Variants in BCKDHB observed in about 807,000 individuals in gnomAD.
BCKDHB encodes 2-oxoisovalerate dehydrogenase subunit beta, mitochondrial.
In BCKDHB, 41 loss-of-function variants were observed where a neutral mutation model predicts 48.5. The observed-to-expected ratio is 0.85, with a 90% CI of 0.66 to 1.10. BCKDHB has a LOEUF of 1.10. BCKDHB is among the 50% of genes least tolerant of loss of function. The pLI is 0.00. For missense variants in BCKDHB, 496 were observed against 494.2 expected (o/e 1.00, Z -0.03); for synonymous variants, 201 against 174.8 (o/e 1.15, Z -1.18).
At chr6:80,246,747 T>C (rs1450166160) in intron 8 of BCKDHB, among the ~76,000 whole-genome samples, 1 of 152,160 alleles carries the variant, frequency 6.6e-6, no homozygotes, top group African/African-American at 2.4e-5. Flanking sequence ...CTAATGTTTG[T>C]GGAGACACCC....
chr6:80,201,106 A>G, intron 7 of BCKDHB, 75 bp downstream of exon 7: 1 of 1,235,122 alleles, frequency 8.1e-7, no homozygotes, highest in Non-Finnish European at 1.2e-6. Flanking sequence ...TGATACATGA[A>G]AAATTGAAAA....
rs531559301 is a variant in BCKDHB at position 80,343,000 on chromosome 6, C to G, written c.1039-664C>G. Among the ~76,000 whole-genome samples, 50 of 152,244 alleles carry G rather than the reference C, an allele frequency of 3.3e-4. 1 individual carries two copies. Among genetic ancestry groups the G allele is most frequent in the African/African-American group, 1.1e-3 (46 of 41,538 alleles). On this transcript the variant is annotated intron_variant, in intron 9 of 9. Coordinates refer to ENST00000320393, the MANE Select transcript of BCKDHB (RefSeq NM_183050.4). ...GCTTTGGGAGCTCAGAGCACAAGCCCCTTCCTCATCTGCCCTGTAGGGCTG... is the reference window on the plus strand; with the variant it reads ...GCTTTGGGAGCTCAGAGCACAAGCCGCTTCCTCATCTGCCCTGTAGGGCTG...
intron 9 of BCKDHB, among the ~76,000 whole-genome samples, chr6:80,291,421 G>A (rs931464206): frequency 6.6e-6 from 1 of 152,154 alleles, no homozygotes; most frequent in African/African-American, 2.4e-5. Context: ...ATATTAATAA[G>A]TATTTAAGAA....
At chr6:80,201,089 T>C in intron 7 of BCKDHB, 58 bp downstream of exon 7, 1 of 1,340,830 alleles carries the variant, frequency 7.5e-7, no homozygotes, top group Non-Finnish European at 1.1e-6. Context: ...GCTCTCATTT[T>C]AAATCCTGAT....
chr6:80,134,359 T>G (rs1770780224), intron 3 of BCKDHB, among the ~76,000 whole-genome samples: 1 of 152,178 alleles, frequency 6.6e-6, no homozygotes, highest in Non-Finnish European at 1.5e-5. Flanking sequence ...TTTTCTTATG[T>G]AAACATCACT....
chr6:80,417,679 G>C, the BCKDHB span, among the ~76,000 whole-genome samples: 58 of 152,300 alleles, frequency 3.8e-4, no homozygotes, highest in African/African-American at 1.3e-3. Context: ...CTTCTGGTTT[G>C]TAGGGTTTCT....
chr6:80,427,976 C>T, the BCKDHB span, among the ~76,000 whole-genome samples: 2 of 151,840 alleles, frequency 1.3e-5, no homozygotes, highest in Non-Finnish European at 2.9e-5. Flanking sequence ...TGGTTTGCTG[C>T]ACCGTCACCT....
At chr6:80,157,770 C>T (rs1024811440) in intron 3 of BCKDHB, among the ~76,000 whole-genome samples, 12 of 151,952 alleles carry the variant, frequency 7.9e-5, no homozygotes, top group East Asian at 3.9e-4. Context: ...TGAGCCACTG[C>T]GCCCGGCCAA....
chr6:80,218,516 C>A (rs1775273440), intron 8 of BCKDHB, among the ~76,000 whole-genome samples: 1 of 152,176 alleles, frequency 6.6e-6, no homozygotes, highest in Non-Finnish European at 1.5e-5. Context: ...TTATTCACCA[C>A]TATGACACAT....
the BCKDHB span, among the ~76,000 whole-genome samples, chr6:80,411,237 A>G: frequency 6.6e-6 from 1 of 152,012 alleles, no homozygotes. Flanking sequence ...CTGGAGGTCC[A>G]CTCCAGATCC....
rs78664346 is a variant in BCKDHB, at chr6:80,130,955, A to G, written c.343+1726A>G. ...TAGTAGCATGCCATGTGCTTTCTGA[A>G]TAGCTAATATTTATTCAACTCACTG... is the stretch of plus-strand genomic sequence containing the variant. On this transcript the variant is annotated intron_variant, in intron 3 of 9. Transcript: ENST00000320393. Among the ~76,000 whole-genome samples the G allele has an allele frequency of 1.0e-2, 1,517 of 152,144 alleles. 20 individuals are homozygous for G. The highest frequency in any genetic ancestry group is 0.035 in the African/African-American group (1,441 of 41,504).
At chr6:80,421,634 T>G in the BCKDHB span, among the ~76,000 whole-genome samples, 1 of 152,186 alleles carries the variant, frequency 6.6e-6, no homozygotes, top group Non-Finnish European at 1.5e-5. Flanking sequence ...TGGAACTTAT[T>G]GGGAAATGGA....
the BCKDHB span, among the ~76,000 whole-genome samples, chr6:80,418,947 C>T: frequency 1.3e-5 from 2 of 152,172 alleles, no homozygotes; most frequent in Non-Finnish European, 2.9e-5. Context: ...GTGGCACTGG[C>T]AGGTGCAGGT....
At chr6:80,149,283 C>G (rs543619176) in intron 3 of BCKDHB, among the ~76,000 whole-genome samples, 39 of 152,200 alleles carry the variant, frequency 2.6e-4, no homozygotes, top group Non-Finnish European at 3.5e-4. Flanking sequence ...CCATCTCACA[C>G]CAGTTAGAAT....
chr6:80,376,043 C>A, the BCKDHB span, among the ~76,000 whole-genome samples: 2 of 152,108 alleles, frequency 1.3e-5, no homozygotes, highest in African/African-American at 4.8e-5. Flanking sequence ...TCAGATTTCT[C>A]AGGTGGTAGG....
At chr6:80,396,802 T>C in the BCKDHB span, among the ~76,000 whole-genome samples, 3 of 152,222 alleles carry the variant, frequency 2.0e-5, no homozygotes. Context: ...TTTGTCATGA[T>C]TGTAAGTTTC....
At chr6:80,390,303 G>C in the BCKDHB span, among the ~76,000 whole-genome samples, 1 of 114,316 alleles carries the variant, frequency 8.7e-6, no homozygotes, top group Non-Finnish European at 1.8e-5. Flanking sequence ...CTTTAGGAAT[G>C]AAGGTTTGGG....
chr6:80,395,904 G>A, the BCKDHB span, among the ~76,000 whole-genome samples: 4 of 152,312 alleles, frequency 2.6e-5, no homozygotes, highest in African/African-American at 7.2e-5. Context: ...ATACAGCTCA[G>A]GCCATTGCTT....
the BCKDHB span, among the ~76,000 whole-genome samples, chr6:80,352,222 G>T: frequency 6.6e-6 from 1 of 151,532 alleles, no homozygotes; most frequent in Non-Finnish European, 1.5e-5. Context: ...CAAGCCATCT[G>T]CCTGTCTCTG....
Sources: allele counts gnomAD v4.1 joint callset (sites outside exome capture counted in the v4.1 genomes callset), GRCh38; gene constraint gnomAD v4.1.1; transcripts MANE v1.5; gene names NCBI Gene and HGNC (gene_info 2026-07-23, HGNC 2026-07-21).